U2SURP: variants seen among roughly 807,000 people sequenced by gnomAD.
The protein encoded by U2SURP is U2 snRNP associated SURP domain containing, also known as U2 snRNP-associated SURP motif-containing protein.
Under a neutral mutation model 144.9 loss-of-function variants are expected in U2SURP, and 9 were observed. The observed-to-expected ratio is 0.06, with a 90% CI of 0.04 to 0.11. U2SURP has a LOEUF of 0.11. Ranked by LOEUF, U2SURP falls within the 10% of genes least tolerant of loss-of-function variation. The pLI, the probability that U2SURP is intolerant of heterozygous loss-of-function variation, is 1.00. For synonymous variants in U2SURP, 408 were observed against 396.8 expected (o/e 1.03, Z -0.33); for missense variants, 724 against 1,226.7 (o/e 0.59, Z 6.12).
intron 4 of U2SURP, among the ~76,000 whole-genome samples, chr3:143,015,085 T>G (rs1267158851): frequency 6.6e-6 from 1 of 152,100 alleles, no homozygotes; most frequent in African/African-American, 2.4e-5. Flanking sequence ...CAGTGACATG[T>G]TGCACCCCTG....
chr3:143,036,664 C>T (rs572333252), intron 20 of U2SURP, among the ~76,000 whole-genome samples: 1 of 152,174 alleles, frequency 6.6e-6, no homozygotes, highest in South Asian at 2.1e-4. Context: ...TGTGTGTTTC[C>T]ACCTACCATT....
At chr3:143,005,250 G>A (rs1282815214) in intron 1 of U2SURP, among the ~76,000 whole-genome samples, 1 of 151,672 alleles carries the variant, frequency 6.6e-6, no homozygotes, top group Non-Finnish European at 1.5e-5. Flanking sequence ...ATTGCTTTGG[G>A]AACTGTTTTG....
At chr3:143,048,810 C>T (rs1934681051) in intron 24 of U2SURP, among the ~76,000 whole-genome samples, 1 of 151,710 alleles carries the variant, frequency 6.6e-6, no homozygotes, top group Non-Finnish European at 1.5e-5. Flanking sequence ...GTCTGGGAGG[C>T]GGAGGTTGCA....
intron 23 of U2SURP, among the ~76,000 whole-genome samples, chr3:143,041,720 A>G (rs1020895553): frequency 9.2e-5 from 14 of 152,170 alleles, no homozygotes; most frequent in African/African-American, 3.4e-4. Context: ...ATTATTAAGA[A>G]TAATTCTACA....
chr3:143,030,633 T>G (rs2108292592), intron 16 of U2SURP, among the ~76,000 whole-genome samples: 1 of 152,368 alleles, frequency 6.6e-6, no homozygotes, highest in Non-Finnish European at 1.5e-5. Context: ...CCTTTTAGTC[T>G]TATTATTTAA....
chr3:143,024,345 G>T (rs538096305), intron 13 of U2SURP: 113 of 369,172 alleles, frequency 3.1e-4, no homozygotes, highest in African/African-American at 2.2e-3. Context: ...GTAAATTTCA[G>T]ATAACGTTAC....
At chr3:143,026,430 T>G (rs1269342785) in intron 13 of U2SURP, 1 of 152,184 alleles carries the variant, frequency 6.6e-6, no homozygotes, top group Non-Finnish European at 1.5e-5. Flanking sequence ...CTTCATTGAT[T>G]GATAGTGTAC....
intron 1 of U2SURP, among the ~76,000 whole-genome samples, chr3:143,004,371 T>G (rs1170734695): frequency 4.2e-5 from 6 of 143,176 alleles, no homozygotes; most frequent in Admixed American, 1.4e-4. Context: ...TTTTTTTTTT[T>G]TTTTTTTTTT....
intron 24 of U2SURP, 65 bp from the exon 25 acceptor site, chr3:143,050,874 G>A (rs1934822583): frequency 8.8e-7 from 1 of 1,141,902 alleles, no homozygotes; most frequent in Non-Finnish European, 1.3e-6. Flanking sequence ...TAGAAAAGAA[G>A]CAAAACAGTG....
chr3:143,027,097 TTA>T, intron 13 of U2SURP, 50 bp from the exon 14 acceptor site: 11 of 1,354,022 alleles, frequency 8.1e-6, no homozygotes, highest in Non-Finnish European at 1.2e-5. Context: ...AAGTGTAGTT[TTA>T]TATAGTGGTA....
intron 13 of U2SURP, among the ~76,000 whole-genome samples, chr3:143,025,032 A>G (rs1358354463): frequency 6.6e-6 from 1 of 152,178 alleles, no homozygotes; most frequent in African/African-American, 2.4e-5. Flanking sequence ...AATAAACACA[A>G]TCCTTAAGGA....
chr3:143,006,630 T>C (rs1053112381), intron 1 of U2SURP, among the ~76,000 whole-genome samples: 1 of 152,058 alleles, frequency 6.6e-6, no homozygotes, highest in African/African-American at 2.4e-5. Context: ...TGGCACATGC[T>C]ACTCGGGAGG....
In U2SURP at chr3:143,058,004, T is replaced by C. The variant is rs2108325278; in HGVS notation, c.*1554T>C. 1 of 152,518 alleles carries C rather than the reference T, an allele frequency of 6.6e-6. No individual in the cohort carries two copies. Among genetic ancestry groups the C allele is most frequent in the South Asian group, 2.1e-4 (1 of 4,828 alleles). 9.4% of individuals were successfully genotyped at this position (152,518 alleles called of 1,614,324 possible). Reference sequence around the variant, plus strand: ...ATATTGCTTGAAAGTTATTTCCTTATTCACTGTTTTGTTAGTCCATTTTGT... The same window carrying C: ...ATATTGCTTGAAAGTTATTTCCTTACTCACTGTTTTGTTAGTCCATTTTGT... On this transcript the variant is annotated 3_prime_UTR_variant, in exon 28 of 28. Transcript: ENST00000473835.
chr3:143,023,291 G>T, intron 12 of U2SURP: 1 of 448,216 alleles, frequency 2.2e-6, no homozygotes, highest in Non-Finnish European at 3.9e-6. Flanking sequence ...CACTTGTTAA[G>T]TTTTTTTTCC....
chr3:143,008,020 A>G (rs1403976509), intron 1 of U2SURP, among the ~76,000 whole-genome samples: 1 of 152,248 alleles, frequency 6.6e-6, no homozygotes, highest in Non-Finnish European at 1.5e-5. Context: ...GGTTTGCAGT[A>G]AATGTGATTA....
chr3:143,045,538 G>C (rs1158921054), intron 24 of U2SURP, among the ~76,000 whole-genome samples: 1 of 152,162 alleles, frequency 6.6e-6, no homozygotes, highest in Non-Finnish European at 1.5e-5. Context: ...AACTTAAAGA[G>C]AGGAAAGCAT....
intron 20 of U2SURP, 62 bp downstream of exon 20, chr3:143,036,166 G>A: frequency 6.6e-7 from 1 of 1,514,302 alleles, no homozygotes; most frequent in Non-Finnish European, 8.8e-7. Context: ...AGGTTTCTTG[G>A]AGTTGTTCTG....
At chr3:143,035,377 G>A (rs752838499) in intron 19 of U2SURP, among the ~76,000 whole-genome samples, 6 of 152,120 alleles carry the variant, frequency 3.9e-5, no homozygotes, top group Non-Finnish European at 8.8e-5. Flanking sequence ...AAAGCCAAGT[G>A]TAGTACTTCA....
chr3:143,008,579 T>C (rs1935963339), intron 1 of U2SURP, among the ~76,000 whole-genome samples: 1 of 152,014 alleles, frequency 6.6e-6, no homozygotes, highest in African/African-American at 2.4e-5. Flanking sequence ...TCCAGTAATA[T>C]GAATCTTTTG....
Sources: allele counts gnomAD v4.1 joint callset (sites outside exome capture counted in the v4.1 genomes callset), GRCh38; gene constraint gnomAD v4.1.1; transcripts MANE v1.5; gene names NCBI Gene and HGNC (gene_info 2026-07-23, HGNC 2026-07-21).